Variants in REEP1 observed in about 807,000 individuals in gnomAD.
The protein encoded by REEP1 is receptor accessory protein 1, also known as receptor expression-enhancing protein 1.
Under a neutral mutation model 40.3 loss-of-function variants are expected in REEP1, and 22 were observed. That is an observed-to-expected ratio of 0.55 (90% CI 0.39 to 0.78). The LOEUF is 0.78. Among genes scored for constraint, REEP1 ranks in the 30% least tolerant of loss-of-function variants. The probability of loss-of-function intolerance (pLI) is 0.00; values close to 1 mark genes in which losing one functional copy is unlikely to be tolerated. For missense variants in REEP1, 280 were observed against 361.1 expected (o/e 0.78, Z 1.82); for synonymous variants, 116 against 139.2 (o/e 0.83, Z 1.17).
rs772358643 is a variant in REEP1, at chr2:86,214,839, G to T, written c.*2200C>A. 14 of 152,576 alleles carry T rather than the reference G, an allele frequency of 9.2e-5. No homozygotes were observed. The highest frequency in any genetic ancestry group is 2.1e-4 in the Non-Finnish European group (14 of 68,030). 9.5% of individuals were successfully genotyped at this position (152,576 alleles called of 1,614,324 possible). ...TGAGAAGTAATAATACAGCATGTCT[G>T]AGAATAGAGCGCTTCAAACTTTTTT... On this transcript the variant is annotated 3_prime_UTR_variant, in exon 9 of 9. Coordinates refer to ENST00000538924, the MANE Select transcript of REEP1 (RefSeq NM_001371279.1).
chr2:86,320,283 T>C (rs1035880156), intron 1 of REEP1, among the ~76,000 whole-genome samples: 1 of 152,256 alleles, frequency 6.6e-6, no homozygotes, highest in South Asian at 2.1e-4. Context: ...AAATTTACAC[T>C]ACCAACGTGG....
intron 1 of REEP1, among the ~76,000 whole-genome samples, chr2:86,327,716 C>T (rs1346934367): frequency 2.0e-5 from 3 of 151,982 alleles, no homozygotes; most frequent in Admixed American, 1.3e-4. Context: ...TACAGGCACC[C>T]GCCTCCACAT....
At chr2:86,326,750 G>C (rs1238694978) in intron 1 of REEP1, among the ~76,000 whole-genome samples, 1 of 152,096 alleles carries the variant, frequency 6.6e-6, no homozygotes, top group Non-Finnish European at 1.5e-5. Context: ...TAAAGTTTTA[G>C]GGTTGGACAG....
chr2:86,270,357 T>C (rs61636758), intron 2 of REEP1, among the ~76,000 whole-genome samples: 10,221 of 152,178 alleles, frequency 0.067, 531 homozygotes, highest in African/African-American at 0.13. Context: ...CCACCACGCC[T>C]GGCTAATTTT....
chr2:86,334,117 C>T, intron 1 of REEP1, among the ~76,000 whole-genome samples: 1 of 152,180 alleles, frequency 6.6e-6, no homozygotes, highest in Admixed American at 6.5e-5. Flanking sequence ...GTGAAAGACC[C>T]ATGGCAGGGA....
intron 5 of REEP1, among the ~76,000 whole-genome samples, chr2:86,238,560 G>A (rs1675488137): frequency 6.6e-6 from 1 of 152,212 alleles, no homozygotes; most frequent in African/African-American, 2.4e-5. Flanking sequence ...CTGCCGCCTG[G>A]GTGAAGCGTG....
intron 5 of REEP1, among the ~76,000 whole-genome samples, chr2:86,237,400 G>A (rs1675419619): frequency 6.6e-6 from 1 of 152,216 alleles, no homozygotes; most frequent in Admixed American, 6.5e-5. Flanking sequence ...ATACTGACAC[G>A]CCGAGCTGAA....
At chr2:86,217,684 T>TTTTTTTTTTC (rs1553456158) in intron 8 of REEP1, among the ~76,000 whole-genome samples, 24,619 of 123,876 alleles carry the variant, frequency 0.2, 3,071 homozygotes, top group East Asian at 0.37. Context: ...TTTTTTTTTT[T>TTTTTTTTTTC]CAGATTTTGG....
chr2:86,302,274 G>A (rs546452824), intron 1 of REEP1, among the ~76,000 whole-genome samples: 4 of 152,232 alleles, frequency 2.6e-5, no homozygotes, highest in Non-Finnish European at 5.9e-5. Context: ...CAATGGGACA[G>A]GTTTTTCTCT....
intron 1 of REEP1, among the ~76,000 whole-genome samples, chr2:86,295,359 G>T (rs1678927255): frequency 6.6e-6 from 1 of 152,190 alleles, no homozygotes; most frequent in Non-Finnish European, 1.5e-5. Context: ...AAGGGCCCTG[G>T]CCACCATGTG....
chr2:86,305,543 A>C (rs1679443088), intron 1 of REEP1, among the ~76,000 whole-genome samples: 1 of 152,204 alleles, frequency 6.6e-6, no homozygotes, highest in South Asian at 2.1e-4. Context: ...GAAAATCACC[A>C]GGTGGGCTTG....
At chr2:86,253,064 C>T (rs1487656039) in intron 4 of REEP1, among the ~76,000 whole-genome samples, 2 of 152,178 alleles carry the variant, frequency 1.3e-5, no homozygotes, top group Admixed American at 6.5e-5. Flanking sequence ...GGCGTATCAC[C>T]TGAGGTCAAG....
At chr2:86,266,075 T>C (rs1413415244) in intron 2 of REEP1, among the ~76,000 whole-genome samples, 1 of 152,146 alleles carries the variant, frequency 6.6e-6, no homozygotes, top group Non-Finnish European at 1.5e-5. Context: ...AATTGGTCAA[T>C]AGAAACAGAT....
At chr2:86,316,019 G>A (rs773207844) in intron 1 of REEP1, among the ~76,000 whole-genome samples, 6 of 152,052 alleles carry the variant, frequency 3.9e-5, no homozygotes, top group Admixed American at 2.0e-4. Context: ...CCTAGAAGCC[G>A]CCAGCAGCCA....
intron 7 of REEP1, among the ~76,000 whole-genome samples, chr2:86,221,463 T>C (rs1024747457): frequency 1.3e-5 from 2 of 152,158 alleles, no homozygotes; most frequent in African/African-American, 4.8e-5. Context: ...TGTCCTCTGC[T>C]CCCTTCCTCT....
chr2:86,323,405 T>C (rs966767705), intron 1 of REEP1, among the ~76,000 whole-genome samples: 8 of 152,128 alleles, frequency 5.3e-5, no homozygotes, highest in Non-Finnish European at 1.2e-4. Context: ...GGACGGAGAC[T>C]GGTCTGTGGT....
At chr2:86,243,201 C>T (rs1434205738) in intron 5 of REEP1, among the ~76,000 whole-genome samples, 3 of 151,792 alleles carry the variant, frequency 2.0e-5, no homozygotes, top group African/African-American at 4.8e-5. Context: ...AACACTGAGG[C>T]GTGAGGAAAG....
intron 1 of REEP1, among the ~76,000 whole-genome samples, chr2:86,295,180 C>T (rs895817951): frequency 2.6e-5 from 4 of 152,228 alleles, no homozygotes; most frequent in Non-Finnish European, 5.9e-5. Context: ...AAATGCAGCT[C>T]GCAGCTGCTA....
At chr2:86,312,034 C>T (rs1255586454) in intron 1 of REEP1, among the ~76,000 whole-genome samples, 3 of 152,196 alleles carry the variant, frequency 2.0e-5, no homozygotes, top group Admixed American at 2.0e-4. Flanking sequence ...GCAGCCCTCT[C>T]TTTTCATTCT....
Sources: allele counts gnomAD v4.1 joint callset (sites outside exome capture counted in the v4.1 genomes callset), GRCh38; gene constraint gnomAD v4.1.1; transcripts MANE v1.5; gene names NCBI Gene and HGNC (gene_info 2026-07-23, HGNC 2026-07-21).